Variants in EXOC6 observed in about 807,000 individuals in gnomAD.
EXOC6 encodes SEC15-like 1.
A neutral mutation model predicts 112.5 loss-of-function variants in EXOC6; 60 were observed. The ratio of observed to expected loss-of-function variants is 0.53; its 90% CI spans 0.43 to 0.66. The LOEUF (loss-of-function observed/expected upper bound fraction) is 0.66, where lower values mean the gene tolerates loss of function less well. Among genes scored for constraint, EXOC6 ranks in the 30% least tolerant of loss-of-function variants. The probability of loss-of-function intolerance (pLI) is 0.00; values close to 1 mark genes in which losing one functional copy is unlikely to be tolerated. For missense variants in EXOC6, 855 were observed against 957.1 expected (o/e 0.89, Z 1.41); for synonymous variants, 295 against 308.0 (o/e 0.96, Z 0.44).
intron 1 of EXOC6, among the ~76,000 whole-genome samples, chr10:92,891,966 C>G (rs999918396): frequency 1.3e-5 from 2 of 152,110 alleles, no homozygotes; most frequent in African/African-American, 4.8e-5. Flanking sequence ...GATTACGTGT[C>G]AGAATAACTG....
At position 92,995,544 on chromosome 10, in the gene EXOC6, G is replaced by A. The variant is rs117505829; in HGVS notation, c.1954-1930G>A. Among the ~76,000 whole-genome samples the A allele has an allele frequency of 8.4e-3, 1,277 of 152,250 alleles. 10 individuals carry two copies. The highest frequency in any genetic ancestry group is 0.058 in the Middle Eastern group (17 of 294). On this transcript the variant is annotated intron_variant, in intron 18 of 21. Coordinates refer to ENST00000260762, the MANE Select transcript of EXOC6 (RefSeq NM_019053.6). ...TAAAATGCACTAGTTGTTCCATTAG[G>A]TCAAAATGACATTTCCATTAAGTAT...
chr10:92,929,060 C>T (rs987954142), intron 9 of EXOC6, among the ~76,000 whole-genome samples: 3 of 152,172 alleles, frequency 2.0e-5, no homozygotes, highest in Admixed American at 6.5e-5. Flanking sequence ...TGAGTTTTGA[C>T]GACATTGGGT....
In EXOC6 at chr10:92,893,349, G is replaced by A; in HGVS notation, c.102G>A (p.Arg34=). 6.2e-7 allele frequency: 1 copy of A among 1,602,610 alleles called. No homozygotes were observed. Among genetic ancestry groups the A allele is most frequent in the South Asian group, 1.1e-5 (1 of 89,344 alleles). ...TTTTAGCTTTCTTATATACATTCAG[G>A]TCTGTGTATGATGACCAACCAAATG... ...TDTACVGPTL[R]SVYDDQPNAH... Residue 34 remains arginine, a splice_region_variant and synonymous_variant, in exon 2 of 22, where the codon CGG becomes CGA. Transcript: ENST00000260762.
chr10:92,952,968 T>C lies in EXOC6; in HGVS notation c.1526+586T>C, dbSNP rs142509329. 2.6e-5 allele frequency among the ~76,000 whole-genome samples: 4 copies of C among 152,346 alleles called. No homozygotes were observed. The East Asian group carries it at 7.7e-4, about 29-fold the overall frequency. The stretch of plus-strand genomic sequence containing the variant: ...TGTGAATAGTGCTGTAATGAACATA[T>C]GGGTACATGTGTCTTTTTGGTAAAA... On this transcript the variant is annotated intron_variant, in intron 15 of 21. Coordinates refer to ENST00000260762, the MANE Select transcript of EXOC6 (RefSeq NM_019053.6).
chr10:93,047,402 G>A (rs1846047792), intron 20 of EXOC6, among the ~76,000 whole-genome samples: 1 of 152,086 alleles, frequency 6.6e-6, no homozygotes, highest in African/African-American at 2.4e-5. Flanking sequence ...TGGGCATGGG[G>A]GCGTGTGCCT....
At chr10:92,860,785 T>G (rs1047484359) in intron 1 of EXOC6, among the ~76,000 whole-genome samples, 1 of 152,216 alleles carries the variant, frequency 6.6e-6, no homozygotes, top group Non-Finnish European at 1.5e-5. Flanking sequence ...CATGTCATAC[T>G]TTTCTTCCTT....
Position 93,031,257 on chromosome 10 carries a change from A to T in EXOC6, c.2169+16990A>T, listed in dbSNP as rs552366263. 1.8e-4 allele frequency among the ~76,000 whole-genome samples: 27 copies of T among 151,822 alleles called. No homozygotes were observed. The East Asian group carries it at 5.0e-3, about 28-fold the overall frequency. On this transcript the variant is annotated intron_variant, in intron 20 of 21. Transcript: ENST00000260762. ...ACATCATTTTTTAAAGAATACTTTA[A>T]AAAAAAAGTCATTTTGTTACCCTGC...
At chr10:92,835,559 T>C (rs548777866) in intron 1 of EXOC6, among the ~76,000 whole-genome samples, 5 of 152,040 alleles carry the variant, frequency 3.3e-5, no homozygotes, top group Admixed American at 3.3e-4. Context: ...TGACTAATAT[T>C]TGTAGATTAA....
chr10:92,829,422 C>T (rs1846436975), intron 1 of EXOC6, among the ~76,000 whole-genome samples: 1 of 152,174 alleles, frequency 6.6e-6, no homozygotes, highest in Admixed American at 6.5e-5. Flanking sequence ...TAAGCCTCTG[C>T]TCTTAACCTC....
At chr10:93,047,105 T>C (rs1459683224) in intron 20 of EXOC6, among the ~76,000 whole-genome samples, 1 of 152,198 alleles carries the variant, frequency 6.6e-6, no homozygotes, top group Non-Finnish European at 1.5e-5. Context: ...TTTAGCTAGA[T>C]CTCTCTGGCA....
chr10:92,848,433 GCCCC>G, upstream of EXOC6: 17 of 855,796 alleles, frequency 2.0e-5, no homozygotes, highest in Non-Finnish European at 2.4e-5. Flanking sequence ...CGGCCCGAGC[GCCCC>G]GCCCCCGCCC....
At position 92,915,848 on chromosome 10, in the gene EXOC6, C is replaced by A; in HGVS notation, c.754C>A (p.Pro252Thr). 6.4e-7 allele frequency: 1 copy of A among 1,552,012 alleles called. No individual in the cohort carries two copies. The highest frequency in any genetic ancestry group is 8.6e-7 in the Non-Finnish European group (1 of 1,157,884). Reference sequence around the variant, plus strand: ...TATGTATATAAATCGTGATAGAATTCCAGAGGAAAGGAATGAAACTGTATT... The same window carrying A: ...TATGTATATAAATCGTGATAGAATTACAGAGGAAAGGAATGAAACTGTATT... ...KNMYINRDRI[P>T]EERNETVLKH... Residue 252 changes from proline to threonine, a missense_variant, in exon 7 of 22, where the codon CCA becomes ACA. Coordinates refer to ENST00000260762, the MANE Select transcript of EXOC6 (RefSeq NM_019053.6).
At chr10:93,038,543 C>T (rs1289375497) in intron 20 of EXOC6, among the ~76,000 whole-genome samples, 1 of 152,142 alleles carries the variant, frequency 6.6e-6, no homozygotes, top group African/African-American at 2.4e-5. Flanking sequence ...TTATAGAGAA[C>T]AGCCAGCACT....
At chr10:93,012,690 G>A (rs529304718) in intron 19 of EXOC6, among the ~76,000 whole-genome samples, 1 of 152,134 alleles carries the variant, frequency 6.6e-6, no homozygotes, top group African/African-American at 2.4e-5. Context: ...GAACTATATA[G>A]GCTGAAATTT....
chr10:93,000,963 A>G (rs1564900290), intron 19 of EXOC6, among the ~76,000 whole-genome samples: 1 of 152,242 alleles, frequency 6.6e-6, no homozygotes, highest in Admixed American at 6.5e-5. Context: ...AATTTTAAAA[A>G]TAAGTTTTCA....
chr10:92,974,614 G>A (rs535513900), intron 18 of EXOC6, among the ~76,000 whole-genome samples: 36 of 149,728 alleles, frequency 2.4e-4, no homozygotes, highest in African/African-American at 7.1e-4. Context: ...CTCTGATGCC[G>A]AGCCGAAGCT....
At chr10:92,842,974 GA>G (rs1314288109) in intron 1 of EXOC6, among the ~76,000 whole-genome samples, 1 of 152,150 alleles carries the variant, frequency 6.6e-6, no homozygotes, top group African/African-American at 2.4e-5. Context: ...CACACACCAT[GA>G]GCCAGCCCTG....
intron 20 of EXOC6, among the ~76,000 whole-genome samples, chr10:93,023,890 C>G (rs143957253): frequency 6.7e-6 from 1 of 149,822 alleles, no homozygotes; most frequent in Admixed American, 6.7e-5. Flanking sequence ...AGATATTTCA[C>G]TAAATATCAC....
At chr10:93,038,605 A>G (rs1480087875) in intron 20 of EXOC6, among the ~76,000 whole-genome samples, 1 of 152,206 alleles carries the variant, frequency 6.6e-6, no homozygotes, top group Non-Finnish European at 1.5e-5. Flanking sequence ...CTCAAGCAAT[A>G]TTGATTCAAC....
Sources: allele counts gnomAD v4.1 joint callset (sites outside exome capture counted in the v4.1 genomes callset), GRCh38; gene constraint gnomAD v4.1.1; transcripts MANE v1.5; gene names NCBI Gene and HGNC (gene_info 2026-07-23, HGNC 2026-07-21).